RFX2: variants seen among roughly 807,000 people sequenced by gnomAD.
RFX2 encodes the protein DNA-binding protein RFX2.
In RFX2, 20 loss-of-function variants were observed where a neutral mutation model predicts 87.8. The ratio of observed to expected loss-of-function variants is 0.23; its 90% confidence interval spans 0.16 to 0.33. The LOEUF (loss-of-function observed/expected upper bound fraction) is 0.33, where lower values mean the gene tolerates loss of function less well. RFX2 is among the 10% of genes least tolerant of loss of function. RFX2 has a pLI of 1.00. For synonymous variants in RFX2, 397 were observed against 431.3 expected, an observed-to-expected ratio of 0.92 and a Z score of 0.98; for missense variants, 767 against 1,012.3, an observed-to-expected ratio of 0.76 and a Z score of 3.29.
At chr19:6,089,894 G>C (rs1203598288) in intron 1 of RFX2, among the ~76,000 whole-genome samples, 1 of 152,084 alleles carries the variant, frequency 6.6e-6, no homozygotes, top group East Asian at 1.9e-4. Context: ...AGAAACTTGT[G>C]GATTAGAGAA....
chr19:6,052,978 T>G, intron 1 of RFX2, among the ~76,000 whole-genome samples: 1 of 152,150 alleles, frequency 6.6e-6, no homozygotes, highest in East Asian at 1.9e-4. Flanking sequence ...TTTAGCTTTA[T>G]ATGCTTATGT....
Position 6,007,633 on chromosome 19 carries a change from G to A in RFX2, c.1247+57C>T, listed in dbSNP as rs748850102. 1.4e-5 allele frequency: 15 copies of A among 1,041,158 alleles called. No homozygotes were observed. Among genetic ancestry groups the A allele is most frequent in the East Asian group, 2.6e-5 (1 of 38,546 alleles). The allele number at this position is 1,041,158 out of a possible 1,614,324, so 64.5% of individuals were successfully genotyped here. ...TTTCGTTTGTGGGTTACCTGTGGAC[G>A]TCAGCAGGGGGTTAAGTCTGGGGTG... On this transcript the variant is annotated intron_variant, in intron 11 of 17. Transcript: ENST00000303657. This position sits in a 1 kb window ranked among gnomAD's most constrained non-coding sequence, Gnocchi z 8.2.
At chr19:5,995,218 C>T (rs1049939184) in intron 17 of RFX2, among the ~76,000 whole-genome samples, 7 of 152,164 alleles carry the variant, frequency 4.6e-5, no homozygotes, top group Admixed American at 2.0e-4. Flanking sequence ...GGCCTGCTCC[C>T]CACAGGGCTG....
intron 1 of RFX2, among the ~76,000 whole-genome samples, chr19:6,108,812 G>A (rs780006472): frequency 4.6e-5 from 7 of 152,160 alleles, no homozygotes; most frequent in Non-Finnish European, 8.8e-5. Flanking sequence ...AAGATGAACC[G>A]CGCCGGCAGC....
intron 1 of RFX2, among the ~76,000 whole-genome samples, chr19:6,076,615 T>C (rs1295146807): frequency 6.6e-6 from 1 of 152,162 alleles, no homozygotes; most frequent in Non-Finnish European, 1.5e-5. Context: ...TCCTACAAAG[T>C]GTGGAGTTTA....
intron 1 of RFX2, among the ~76,000 whole-genome samples, chr19:6,081,512 G>A (rs2087785468): frequency 6.6e-6 from 1 of 152,210 alleles, no homozygotes; most frequent in Non-Finnish European, 1.5e-5. Flanking sequence ...TTTAATGCAG[G>A]TAATTATACT....
intron 7 of RFX2, among the ~76,000 whole-genome samples, chr19:6,014,749 G>A (rs922394087): frequency 9.9e-5 from 15 of 152,132 alleles, no homozygotes; most frequent in Admixed American, 2.0e-4. Context: ...GCTTCCTCCC[G>A]CTTCTGTCCC....
intron 1 of RFX2, among the ~76,000 whole-genome samples, chr19:6,097,540 G>A (rs1275063093): frequency 6.6e-6 from 1 of 152,022 alleles, no homozygotes; most frequent in Non-Finnish European, 1.5e-5. Context: ...AATACACCAG[G>A]CACATAGTAT....
At position 6,088,280 on chromosome 19, in the gene RFX2, C is replaced by A. The variant is rs535264173; in HGVS notation, c.-9+22113G>T. On this transcript the variant is annotated intron_variant, in intron 1 of 17. Transcript: ENST00000303657. ...TGTTGCCCAGGCTGGACAGCAGTGG[C>A]GTGATCTCGGCTCACTGCAACCTCC... 2.4e-4 allele frequency among the ~76,000 whole-genome samples: 32 copies of A among 135,364 alleles called. 1 individual carries two copies. The highest frequency in any genetic ancestry group is 5.0e-3 in the Middle Eastern group (1 of 200). 88.8% of individuals were successfully genotyped at this position (135,364 alleles called of 152,430 possible).
At position 5,999,668 on chromosome 19, in the gene RFX2, G is replaced by A. The variant is rs2086465421; in HGVS notation, c.1859+2147C>T. 6.6e-6 allele frequency among the ~76,000 whole-genome samples: 1 copy of A among 152,174 alleles called. No individual in the cohort carries two copies. Among genetic ancestry groups the A allele is most frequent in the Admixed American group, 6.5e-5 (1 of 15,274 alleles). On this transcript the variant is annotated intron_variant, in intron 15 of 17. Coordinates refer to ENST00000303657, the MANE Select transcript of RFX2 (RefSeq NM_000635.4). This position sits in a 1 kb window ranked among gnomAD's most constrained non-coding sequence, Gnocchi z 4.1. ...ACAGAAGTGAGGTCCCGGCACTCGG[G>A]TAGCGTGCCTGATCATGCAGGAGAC...
intron 1 of RFX2, among the ~76,000 whole-genome samples, chr19:6,049,589 G>C (rs2087241946): frequency 6.6e-6 from 1 of 152,146 alleles, no homozygotes; most frequent in Admixed American, 6.5e-5. Context: ...ACCCAGGCTG[G>C]AGTGCAATGG....
Position 6,045,002 on chromosome 19 carries a change from C to T in RFX2, c.91-720G>A, listed in dbSNP as rs1401588194. ...GGGAAGGGTCAAAGTGAACTCGAGT[C>T]GAGGGAGGAACAGGAGTGTTTTGTG... On this transcript the variant is annotated intron_variant, in intron 2 of 17. Transcript: ENST00000303657. This position sits in a 1 kb window ranked among gnomAD's most constrained non-coding sequence, Gnocchi z 5.2. Among the ~76,000 whole-genome samples the T allele has an allele frequency of 6.6e-6, 1 of 152,112 alleles. No individual in the cohort carries two copies. The highest frequency in any genetic ancestry group is 1.5e-5 in the Non-Finnish European group (1 of 68,020).
At position 5,994,876 on chromosome 19, in the gene RFX2, G is replaced by A. The variant is rs148287868; in HGVS notation, c.2131C>T (p.Arg711Trp). ...ARSLGEPLVK[R>W]ERSDPNHSLQ... ...GAGTGGTTGGGGTCACTGCGCTCCC[G>A]CTTTACCAGGGGCTCACCCAGGCTG... is the stretch of plus-strand genomic sequence containing the variant. Residue 711 changes from arginine to tryptophan, a missense_variant, in exon 18 of 18, where the codon CGG (arginine) becomes TGG (tryptophan). Physicochemically the swap from Arg to Trp is moderately radical, Grantham distance 101. Transcript: ENST00000303657. 8 of 1,610,400 alleles carry A rather than the reference G, an allele frequency of 5.0e-6. No homozygotes were observed. Among genetic ancestry groups the A allele is most frequent in the African/African-American group, 4.0e-5 (3 of 74,938 alleles).
Position 6,063,654 on chromosome 19 carries a change from A to C in RFX2, c.-8-16150T>G, listed in dbSNP as rs757444563. 5.9e-5 allele frequency among the ~76,000 whole-genome samples: 9 copies of C among 152,210 alleles called. No individual in the cohort carries two copies. Among genetic ancestry groups the C allele is most frequent in the Non-Finnish European group, 1.0e-4 (7 of 68,020 alleles). On this transcript the variant is annotated intron_variant, in intron 1 of 17. Transcript: ENST00000303657. The surrounding 1 kb of genome is among the most constrained non-coding windows in gnomAD (Gnocchi z 4.0). The stretch of plus-strand genomic sequence containing the variant: ...CAAAGGGGATCCCAGGCAAGTGATG[A>C]GCAGTGGGGAAACCCTCTCTCCAGT...
At chr19:6,067,282 T>C (rs1031359215) in intron 1 of RFX2, among the ~76,000 whole-genome samples, 3 of 152,332 alleles carry the variant, frequency 2.0e-5, no homozygotes, top group African/African-American at 7.2e-5. Context: ...GAGGAGTTGA[T>C]ACCAAATTAA....
chr19:6,109,108 C>G lies in RFX2; in HGVS notation c.-9+1285G>C, dbSNP rs1202392679. 4.6e-5 allele frequency among the ~76,000 whole-genome samples: 7 copies of G among 151,682 alleles called. No homozygotes were observed. The East Asian group carries it at 1.4e-3, about 29-fold the overall frequency. ...TTAAATCCACAAACACACACACGCA[C>G]TCGCACTACCTCGGAGAAAATGCCT... On this transcript the variant is annotated intron_variant, in intron 1 of 17. Transcript: ENST00000303657.
Position 5,995,631 on chromosome 19 carries a change from C to T in RFX2, c.2026G>A (p.Ala676Thr), listed in dbSNP as rs561826046. The T allele has an allele frequency of 6.0e-5, 93 of 1,552,490 alleles. No individual in the cohort carries two copies. Among genetic ancestry groups the T allele is most frequent in the Admixed American group, 2.5e-4 (13 of 51,134 alleles). ...IAVMGEFNDL[A>T]SLSLTLLDKD... ...TCGAGCAGCGTCAGCGACAGAGAGG[C>T]GAGATCGTTGAACTGAAAGAGAAAC... is the stretch of plus-strand genomic sequence containing the variant. The change falls in exon 17 of 18, where the codon GCC (alanine) becomes ACC (threonine). Residue 676 changes from alanine to threonine, a missense_variant. By Grantham distance (58) the Ala-to-Thr change is moderately conservative (BLOSUM62 0). Around this residue, in one of 2 missense-constraint regions of RFX2, gnomAD observed 621 missense variants for 873.0 expected, o/e 0.71. Coordinates refer to ENST00000303657, the MANE Select transcript of RFX2 (RefSeq NM_000635.4).
rs371545871 is a variant in RFX2, at chr19:6,019,561, C to CT, written c.598-3291dup. On this transcript the variant is annotated intron_variant, in intron 6 of 17. Coordinates refer to ENST00000303657, the MANE Select transcript of RFX2 (RefSeq NM_000635.4). ...GTGTGTGTGTATATACTTTTATATACTTTTTTTTTTTTTTAGAGACAGGGA... is the reference window on the plus strand; with the variant it reads ...GTGTGTGTGTATATACTTTTATATACTTTTTTTTTTTTTTTAGAGACAGGGA... Among the ~76,000 whole-genome samples, 423 of 102,494 alleles carry CT rather than the reference C, an allele frequency of 4.1e-3. 3 individuals carry two copies. Among genetic ancestry groups the CT allele is most frequent in the South Asian group, 0.012 (38 of 3,228 alleles). 67.2% of individuals were successfully genotyped at this position (102,494 alleles called of 152,430 possible).
At chr19:6,042,170 G>C in intron 3 of RFX2, 47 bp from the exon 4 acceptor site, 1 of 1,521,066 alleles carries the variant, frequency 6.6e-7, no homozygotes. Flanking sequence ...GCCCTCGTGA[G>C]TTGCCTGCAG....
Sources: gnomAD v4.1 joint callset for allele counts (sites outside exome capture counted in the v4.1 genomes callset) on GRCh38, gnomAD v4.1.1 for gene constraint, gnomAD v4.1.1 regional missense constraint, Gnocchi (gnomAD v3.1) non-coding constraint, MANE v1.5 for transcripts, NCBI Gene and HGNC (gene_info 2026-07-23, HGNC 2026-07-21) for gene names.